FOCAD: variants seen among roughly 807,000 people sequenced by gnomAD.
The protein encoded by FOCAD is KIAA1797.
Under a neutral mutation model 225.6 loss-of-function variants are expected in FOCAD, and 198 were observed. That is an observed-to-expected ratio of 0.88 (90% CI 0.78 to 0.99). The LOEUF (loss-of-function observed/expected upper bound fraction) is 0.99. FOCAD is among the 50% of genes least tolerant of loss of function. The pLI is 0.00. For synonymous variants in FOCAD, 897 were observed against 755.0 expected (o/e 1.19, Z -3.08); for missense variants, 2,713 against 2,123.6 (o/e 1.28, Z -5.46).
rs375269275 is a variant in FOCAD, at chr9:20,823,110, G to A, written c.1915G>A (p.Ala639Thr). 8 of 1,604,602 alleles carry A rather than the reference G, an allele frequency of 5.0e-6. No homozygotes were observed. Among genetic ancestry groups the A allele is most frequent in the Non-Finnish European group, 6.8e-6 (8 of 1,176,578 alleles). Residue 639 changes from alanine to threonine, a missense_variant, in exon 15 of 44, where the codon GCT becomes ACT. Coordinates refer to ENST00000338382, the MANE Select transcript of FOCAD (RefSeq NM_001375567.1). ...ACAGGGTCTTCATGCACTCTGTCAA[G>A]CTGAGGTAGGCATTTTTAAATTGCT... ...VLQGLHALCQAEVVCIRSTWN... is the reference protein window; with the variant it reads ...VLQGLHALCQTEVVCIRSTWN...
intron 4 of FOCAD, among the ~76,000 whole-genome samples, chr9:20,721,796 T>C (rs1210367190): frequency 6.6e-6 from 1 of 151,902 alleles, no homozygotes; most frequent in Non-Finnish European, 1.5e-5. Flanking sequence ...TATAAATCGT[T>C]TCCTGTTTCC....
intron 4 of FOCAD, among the ~76,000 whole-genome samples, chr9:20,734,246 C>G (rs550596096): frequency 6.6e-6 from 1 of 152,120 alleles, no homozygotes; most frequent in South Asian, 2.1e-4. Context: ...AATAGGGAGT[C>G]TTAAAGGTTC....
intron 27 of FOCAD, among the ~76,000 whole-genome samples, chr9:20,932,065 C>A (rs1351742921): frequency 6.6e-6 from 1 of 152,012 alleles, no homozygotes; most frequent in Non-Finnish European, 1.5e-5. Flanking sequence ...CCAGAAAATA[C>A]AAAAATGATC....
upstream of FOCAD, chr9:20,683,218 A>C (rs1026115266): frequency 6.6e-6 from 1 of 152,248 alleles, no homozygotes; most frequent in African/African-American, 2.4e-5. Flanking sequence ...TCTACACATT[A>C]AAATGACTTT....
chr9:20,799,583 T>C (rs1356909322), intron 11 of FOCAD, among the ~76,000 whole-genome samples: 4 of 152,208 alleles, frequency 2.6e-5, no homozygotes, highest in African/African-American at 9.7e-5. Flanking sequence ...ATTGAATTGA[T>C]CCCTTTACCA....
rs17831996 is a variant in FOCAD at position 20,671,145 on chromosome 9, C to T, written c.-78+12319C>T. ...ATATAATATAAATGACGGATTGTGTCATGGATACATACAACCTTATAAATA... is the reference window on the plus strand; with the variant it reads ...ATATAATATAAATGACGGATTGTGTTATGGATACATACAACCTTATAAATA... On this transcript the variant is annotated intron_variant, in intron 2 of 45. Coordinates refer to the FOCAD transcript ENST00000380249. Among the ~76,000 whole-genome samples the T allele has an allele frequency of 3.1e-3, 471 of 152,044 alleles. 7 individuals carry two copies. The East Asian group carries it at 0.051, about 16-fold the overall frequency.
intron 27 of FOCAD, 40 bp downstream of exon 27, chr9:20,929,636 A>AT (rs1564166692): frequency 6.3e-7 from 1 of 1,584,520 alleles, no homozygotes; most frequent in Non-Finnish European, 8.6e-7. Flanking sequence ...CTTCTTTGTG[A>AT]TTTTTTGCAA....
intron 15 of FOCAD, among the ~76,000 whole-genome samples, chr9:20,823,745 T>C (rs1281793365): frequency 6.6e-6 from 1 of 152,128 alleles, no homozygotes; most frequent in Non-Finnish European, 1.5e-5. Flanking sequence ...CAATTGTAGT[T>C]TTTTAGTGAA....
chr9:20,770,096 T>G lies in FOCAD; in HGVS notation c.764T>G (p.Leu255Trp). The change falls in exon 8 of 44, where the codon TTG becomes TGG. Residue 255 changes from leucine to tryptophan, a missense_variant. By Grantham distance (61) the Leu-to-Trp change is moderately conservative. Coordinates refer to ENST00000338382, the MANE Select transcript of FOCAD (RefSeq NM_001375567.1). Reference sequence around the variant, plus strand: ...ATTGAGGAAGTATGTTTAAGCCTTTTGCGTCATCCTGTTTTCTGGAAAATT... The same window carrying G: ...ATTGAGGAAGTATGTTTAAGCCTTTGGCGTCATCCTGTTTTCTGGAAAATT... Reference protein sequence around the residue: ...MFIEEVCLSLLRHPVFWKIQL... With the variant: ...MFIEEVCLSLWRHPVFWKIQL... The G allele has an allele frequency of 6.2e-7, 1 of 1,614,162 alleles. No homozygotes were observed. Among genetic ancestry groups the G allele is most frequent in the Non-Finnish European group, 8.5e-7 (1 of 1,180,012 alleles).
In FOCAD at chr9:20,929,409, G is replaced by A. The variant is rs552730221; in HGVS notation, c.3130G>A (p.Ala1044Thr). 37 of 1,613,982 alleles carry A rather than the reference G, an allele frequency of 2.3e-5. No individual in the cohort carries two copies. Among genetic ancestry groups the A allele is most frequent in the Admixed American group, 3.3e-5 (2 of 59,986 alleles). ...TAGTGCCATTGCCCGTTCTGCTGCCGCCACGGCTTTGTCTCTCCTTGTGCC... is the reference window on the plus strand; with the variant it reads ...TAGTGCCATTGCCCGTTCTGCTGCCACCACGGCTTTGTCTCTCCTTGTGCC... ...TASAIARSAA[A>T]TALSLLVPVF... is the part of the protein sequence containing the mutation. Residue 1044 changes from alanine (A) to threonine (T), a missense_variant, in exon 27 of 44, where the codon GCC becomes ACC. By Grantham distance (58) the Ala-to-Thr change is moderately conservative (BLOSUM62 0). Transcript: ENST00000338382.
intron 28 of FOCAD, among the ~76,000 whole-genome samples, chr9:20,939,364 C>G (rs184176660): frequency 6.6e-6 from 1 of 152,168 alleles, no homozygotes; most frequent in East Asian, 1.9e-4. Context: ...ATGTCTCTTT[C>G]CATCCCTCCT....
chr9:20,776,201 A>G (rs527695306), intron 8 of FOCAD, among the ~76,000 whole-genome samples: 1 of 152,350 alleles, frequency 6.6e-6, no homozygotes, highest in African/African-American at 2.4e-5. Context: ...GAAAGCATTT[A>G]TCTATGGGGT....
At chr9:20,851,206 T>A (rs1444496349) in intron 15 of FOCAD, among the ~76,000 whole-genome samples, 2 of 150,418 alleles carry the variant, frequency 1.3e-5, no homozygotes, top group Non-Finnish European at 3.0e-5. Context: ...CATGAAAGAG[T>A]TTTGGTTTTT....
intron 8 of FOCAD, among the ~76,000 whole-genome samples, chr9:20,773,407 AGTGCGGCCC>A (rs1818430957): frequency 6.6e-6 from 1 of 152,230 alleles, no homozygotes; most frequent in African/African-American, 2.4e-5. Context: ...AGCAGGTCTG[AGTGCGGCCC>A]AAGTATTCTC....
chr9:20,848,766 G>C (rs1827366610), intron 15 of FOCAD, among the ~76,000 whole-genome samples: 2 of 151,916 alleles, frequency 1.3e-5, no homozygotes, highest in South Asian at 4.2e-4. Flanking sequence ...GGGGCACTAT[G>C]TCATGTTGAT....
intron 21 of FOCAD, among the ~76,000 whole-genome samples, chr9:20,887,270 T>C (rs1346629403): frequency 6.6e-6 from 1 of 152,018 alleles, no homozygotes; most frequent in Non-Finnish European, 1.5e-5. Context: ...AGTCTCACTC[T>C]GCTGTCCAGG....
At position 20,923,680 on chromosome 9, in the gene FOCAD, G is replaced by A. The variant is rs745700392; in HGVS notation, c.2873G>A (p.Gly958Asp). The A allele has an allele frequency of 3.1e-6, 5 of 1,613,856 alleles. No homozygotes were observed. The African/African-American group carries it at 5.3e-5, about 17-fold the overall frequency. Residue 958 changes from glycine to aspartate, a missense_variant, in exon 25 of 44, where the codon GGC becomes GAC. Gly to Asp is a moderately conservative substitution (Grantham distance 94, BLOSUM62 -1). Transcript: ENST00000338382. Reference sequence around the variant, plus strand: ...AACAGGGAGAGTCCGGTAGTGAAAGGCAATGCGCTGTTAGCTCTAAGCAGC... The same window carrying A: ...AACAGGGAGAGTCCGGTAGTGAAAGACAATGCGCTGTTAGCTCTAAGCAGC... ...AAAKESPVVK[G>D]NALLALSSLA...
At chr9:20,873,869 A>T (rs1231249965) in intron 18 of FOCAD, 3 of 152,138 alleles carry the variant, frequency 2.0e-5, no homozygotes, top group Non-Finnish European at 4.4e-5. Flanking sequence ...CTGGCACTTT[A>T]TGGTTATAGA....
At chr9:20,666,749 A>C (rs1479834188) in intron 2 of FOCAD, among the ~76,000 whole-genome samples, 1 of 152,228 alleles carries the variant, frequency 6.6e-6, no homozygotes, top group East Asian at 1.9e-4. Context: ...ATGTGGTTCC[A>C]GTGGTGGCAA....
Sources: gnomAD v4.1 joint callset for allele counts (sites outside exome capture counted in the v4.1 genomes callset) on GRCh38, gnomAD v4.1.1 for gene constraint, MANE v1.5 for transcripts, NCBI Gene and HGNC (gene_info 2026-07-23, HGNC 2026-07-21) for gene names.